OPCML: variants seen among roughly 807,000 people sequenced by gnomAD.
OPCML encodes opioid-binding protein/cell adhesion molecule.
In OPCML, 13 loss-of-function variants were observed where a neutral mutation model predicts 37.8. The ratio of observed to expected loss-of-function variants is 0.34; its 90% CI spans 0.22 to 0.55. The LOEUF is 0.55. OPCML is among the 20% of genes least tolerant of loss of function. OPCML has a pLI of 0.91. For synonymous variants in OPCML, 176 were observed against 168.8 expected (o/e 1.04, Z -0.33); for missense variants, 341 against 435.6 (o/e 0.78, Z 1.93).
intron 1 of OPCML, among the ~76,000 whole-genome samples, chr11:133,249,544 C>A (rs976751735): frequency 6.6e-6 from 1 of 152,086 alleles, no homozygotes; most frequent in Non-Finnish European, 1.5e-5. Context: ...CCAACTGGAC[C>A]CTTGAATCCT....
At chr11:132,867,652 A>G (rs1942628208) in intron 2 of OPCML, among the ~76,000 whole-genome samples, 1 of 152,170 alleles carries the variant, frequency 6.6e-6, no homozygotes, top group African/African-American at 2.4e-5. Flanking sequence ...GAGAGACCCA[A>G]AGAGCTGAAG....
At chr11:133,117,809 C>T (rs558152421) in intron 1 of OPCML, 2 of 984,800 alleles carry the variant, frequency 2.0e-6, no homozygotes, top group Admixed American at 6.1e-5. Context: ...GCAAACTAAG[C>T]TCTAACTCTG....
At chr11:132,434,587 C>G (rs1565558636) in intron 7 of OPCML, among the ~76,000 whole-genome samples, 1 of 152,180 alleles carries the variant, frequency 6.6e-6, no homozygotes, top group Non-Finnish European at 1.5e-5. Context: ...GTCCTCCTTT[C>G]ACTTACCTGT....
chr11:132,570,766 T>TAC, intron 3 of OPCML, among the ~76,000 whole-genome samples: 1 of 91,524 alleles, frequency 1.1e-5, no homozygotes, highest in Non-Finnish European at 2.1e-5. Flanking sequence ...TATATATATA[T>TAC]ATATATATAT....
At chr11:132,638,565 A>C (rs573262172) in intron 3 of OPCML, among the ~76,000 whole-genome samples, 2 of 152,144 alleles carry the variant, frequency 1.3e-5, no homozygotes, top group African/African-American at 4.8e-5. Flanking sequence ...GGAGGTCACA[A>C]GATATGTAAC....
intron 2 of OPCML, among the ~76,000 whole-genome samples, chr11:132,866,745 A>C (rs115929968): frequency 0.013 from 2,007 of 152,316 alleles, 50 homozygotes; most frequent in African/African-American, 0.046. Flanking sequence ...CCATATTGTG[A>C]GGTCCATGGA....
intron 1 of OPCML, among the ~76,000 whole-genome samples, chr11:133,147,180 G>A (rs1387831934): frequency 1.3e-5 from 2 of 152,072 alleles, no homozygotes; most frequent in Non-Finnish European, 2.9e-5. Context: ...CTATCACTAA[G>A]GCTGATAGGC....
At chr11:133,508,817 G>C (rs1366659302) in intron 1 of OPCML, among the ~76,000 whole-genome samples, 3 of 152,076 alleles carry the variant, frequency 2.0e-5, no homozygotes, top group African/African-American at 7.2e-5. Context: ...AAAACGACTC[G>C]AGTCAAGAAT....
chr11:132,943,167 C>T lies in OPCML; in HGVS notation c.62-157G>A, dbSNP rs914885577. Reference sequence around the variant, plus strand: ...CCCCCGCCCCGCGCACCAGCGGGCTCGGGAAGCGGTGCGGGGAGGAGGGAA... The same window carrying T: ...CCCCCGCCCCGCGCACCAGCGGGCTTGGGAAGCGGTGCGGGGAGGAGGGAA... On this transcript the variant is annotated intron_variant, in intron 1 of 7. Transcript: ENST00000524381. This position sits in a 1 kb window ranked among gnomAD's most constrained non-coding sequence, Gnocchi z 4.3. The T allele has an allele frequency of 4.4e-6, 7 of 1,597,572 alleles. No individual in the cohort carries two copies. Among genetic ancestry groups the T allele is most frequent in the South Asian group, 1.1e-5 (1 of 89,784 alleles).
At chr11:133,130,894 A>C (rs1407667075) in intron 1 of OPCML, among the ~76,000 whole-genome samples, 2 of 152,220 alleles carry the variant, frequency 1.3e-5, no homozygotes, top group African/African-American at 4.8e-5. Context: ...CATGCAAAAA[A>C]AAAATGAATC....
chr11:132,996,698 G>C (rs1195631737), intron 1 of OPCML, among the ~76,000 whole-genome samples: 2 of 151,214 alleles, frequency 1.3e-5, no homozygotes, highest in Non-Finnish European at 2.9e-5. Flanking sequence ...AAGACAATCT[G>C]GCCAGAAAAG....
chr11:133,401,212 T>C (rs1459558754), intron 1 of OPCML, among the ~76,000 whole-genome samples: 1 of 152,106 alleles, frequency 6.6e-6, no homozygotes, highest in African/African-American at 2.4e-5. Context: ...AATGAAATAA[T>C]TGATGTGAAA....
chr11:132,462,091 T>C (rs2096104110), intron 4 of OPCML, among the ~76,000 whole-genome samples: 1 of 152,184 alleles, frequency 6.6e-6, no homozygotes, highest in Non-Finnish European at 1.5e-5. Flanking sequence ...CTTGTGAGTC[T>C]GAGCACTAAA....
At chr11:133,238,833 G>A (rs759478213) in intron 1 of OPCML, among the ~76,000 whole-genome samples, 15 of 152,292 alleles carry the variant, frequency 9.8e-5, no homozygotes, top group African/African-American at 2.6e-4. Flanking sequence ...GATGAAATGC[G>A]CTACATAAAT....
At chr11:132,817,455 G>A (rs1939698156) in intron 2 of OPCML, among the ~76,000 whole-genome samples, 1 of 152,064 alleles carries the variant, frequency 6.6e-6, no homozygotes, top group Non-Finnish European at 1.5e-5. Flanking sequence ...GTGTTTTCAT[G>A]GCTTCTTTTT....
rs562408598 is a variant in OPCML, at chr11:132,609,555, G to T, written c.379+47532C>A. ...CAGGCTGCAAGCCTTTGCACGGAGT[G>T]CTGTATGCTTAGCACACCATTCCCA... On this transcript the variant is annotated intron_variant, in intron 3 of 7. Transcript: ENST00000524381. Among the ~76,000 whole-genome samples, 3 of 152,286 alleles carry T rather than the reference G, an allele frequency of 2.0e-5. No individual in the cohort carries two copies. The South Asian group carries it at 6.2e-4, about 32-fold the overall frequency.
chr11:132,595,134 CTGTT>C (rs2096490478), intron 3 of OPCML, among the ~76,000 whole-genome samples: 1 of 151,662 alleles, frequency 6.6e-6, no homozygotes, highest in Non-Finnish European at 1.5e-5. Context: ...ATGATGGCCT[CTGTT>C]TGAGGCTGTG....
intron 3 of OPCML, among the ~76,000 whole-genome samples, chr11:132,641,323 C>T (rs924425485): frequency 6.6e-6 from 1 of 152,204 alleles, no homozygotes; most frequent in South Asian, 2.1e-4. Context: ...TCCACGCACA[C>T]CTCCACCTCC....
At chr11:132,554,631 T>A (rs1338936536) in intron 3 of OPCML, among the ~76,000 whole-genome samples, 4 of 152,142 alleles carry the variant, frequency 2.6e-5, no homozygotes, top group Non-Finnish European at 4.4e-5. Context: ...CAGCTCATGG[T>A]GCCCTGTCTC....
Sources: gnomAD v4.1 joint callset for allele counts (sites outside exome capture counted in the v4.1 genomes callset) on GRCh38, gnomAD v4.1.1 for gene constraint, Gnocchi (gnomAD v3.1) non-coding constraint, MANE v1.5 for transcripts, NCBI Gene and HGNC (gene_info 2026-07-23, HGNC 2026-07-21) for gene names.